Variants in PIGL observed in about 807,000 individuals in gnomAD.
PIGL encodes phosphatidylinositol glycan anchor biosynthesis class L, also known as N-acetylglucosaminyl-phosphatidylinositol de-N-acetylase.
A neutral mutation model predicts 31.1 loss-of-function variants in PIGL; 22 were observed. The ratio of observed to expected loss-of-function variants is 0.71; its 90% CI spans 0.51 to 1.01. The LOEUF (loss-of-function observed/expected upper bound fraction) is 1.01. Among genes scored for constraint, PIGL ranks in the 50% least tolerant of loss-of-function variants. The probability of loss-of-function intolerance (pLI) is 0.00; values close to 1 mark genes in which losing one functional copy is unlikely to be tolerated. For missense variants in PIGL, 302 were observed against 315.9 expected, an observed-to-expected ratio of 0.96 and a Z score of 0.33; for synonymous variants, 131 against 117.4, an observed-to-expected ratio of 1.12 and a Z score of -0.75.
chr17:16,314,519 T>A lies in PIGL; in HGVS notation c.494+905T>A, dbSNP rs551052243. 1.2e-4 allele frequency among the ~76,000 whole-genome samples: 18 copies of A among 152,286 alleles called. 1 individual carries two copies. The South Asian group carries it at 3.3e-3, about 28-fold the overall frequency. ...TCTGTCAGATGTATGTGAAGACCAA[T>A]CCAAACTGAAGACCCTCCTTGTCCT... On this transcript the variant is annotated intron_variant, in intron 4 of 6. Coordinates refer to ENST00000225609, the MANE Select transcript of PIGL (RefSeq NM_004278.4).
chr17:16,280,926 A>C (rs1357847368), intron 2 of PIGL, among the ~76,000 whole-genome samples: 5 of 151,978 alleles, frequency 3.3e-5, no homozygotes, highest in African/African-American at 1.2e-4. Flanking sequence ...GCTGGTCTTG[A>C]ACTCCTGACC....
chr17:16,323,235 CT>C (rs879720025), intron 6 of PIGL, among the ~76,000 whole-genome samples: 118 of 144,328 alleles, frequency 8.2e-4, no homozygotes, highest in Middle Eastern at 3.6e-3. Flanking sequence ...TATATGTGGT[CT>C]TTTTTTTTTT....
intron 1 of PIGL, among the ~76,000 whole-genome samples, chr17:16,227,426 A>G (rs1301618789): frequency 2.0e-5 from 3 of 151,968 alleles, no homozygotes; most frequent in Admixed American, 1.3e-4. Context: ...TAGCAATTTC[A>G]TTAGTAAGAG....
chr17:16,260,211 G>A (rs1464907884), intron 2 of PIGL, among the ~76,000 whole-genome samples: 1 of 152,228 alleles, frequency 6.6e-6, no homozygotes, highest in Non-Finnish European at 1.5e-5. Flanking sequence ...CAGATTGATG[G>A]CAGCAGGAGG....
intron 2 of PIGL, among the ~76,000 whole-genome samples, chr17:16,278,155 A>G (rs150858420): frequency 0.048 from 7,341 of 152,006 alleles, 218 homozygotes; most frequent in African/African-American, 0.089. Context: ...TCCCAGGTTC[A>G]AGCAATTCTT....
At chr17:16,248,504 C>T (rs2092757990) in intron 2 of PIGL, among the ~76,000 whole-genome samples, 1 of 152,114 alleles carries the variant, frequency 6.6e-6, no homozygotes, top group African/African-American at 2.4e-5. Context: ...CTCTGAGACC[C>T]CATCAGAATG....
At chr17:16,245,529 A>G (rs551566236) in intron 2 of PIGL, among the ~76,000 whole-genome samples, 17 of 148,072 alleles carry the variant, frequency 1.1e-4, no homozygotes, top group Admixed American at 1.0e-3. Context: ...TATATTTGAG[A>G]CGGAGTCTTG....
chr17:16,299,824 G>A (rs1484265001), intron 2 of PIGL, 64 bp from the exon 3 acceptor site: 2 of 1,182,946 alleles, frequency 1.7e-6, no homozygotes, highest in Non-Finnish European at 2.5e-6. Context: ...TGCACCTACT[G>A]GAGCTTAGGG....
At chr17:16,262,801 G>A (rs1019129647) in intron 2 of PIGL, among the ~76,000 whole-genome samples, 1 of 152,130 alleles carries the variant, frequency 6.6e-6, no homozygotes, top group Non-Finnish European at 1.5e-5. Flanking sequence ...TAGCCAACAG[G>A]TAGAAACAAC....
chr17:16,291,729 A>G (rs941371620), intron 2 of PIGL, among the ~76,000 whole-genome samples: 1 of 150,376 alleles, frequency 6.6e-6, no homozygotes. Flanking sequence ...GCCAGGCATG[A>G]TGGCGGGTGC....
At chr17:16,224,583 C>A (rs1301397774) in intron 1 of PIGL, among the ~76,000 whole-genome samples, 1 of 152,084 alleles carries the variant, frequency 6.6e-6, no homozygotes, top group Non-Finnish European at 1.5e-5. Flanking sequence ...GCTGGGATTA[C>A]AGGATGAGCC....
At chr17:16,217,630 C>CACCATCA in intron 1 of PIGL, 169 bp downstream of exon 1, 1 of 540,666 alleles carries the variant, frequency 1.8e-6, no homozygotes, top group Non-Finnish European at 3.2e-6. Flanking sequence ...GGCCGGCTTA[C>CACCATCA]CTGGTGGGTT....
Position 16,217,442 on chromosome 17 carries a change from C to T in PIGL, c.216C>T (p.Tyr72=), listed in dbSNP as rs968253600. ...LGLARLRHWV[Y]LLCFSAGNYY... ...TGGCCCGCCTAAGGCACTGGGTGTACCTGCTTTGCTTCTCTGCAGGTAGGA... is the reference window on the plus strand; with the variant it reads ...TGGCCCGCCTAAGGCACTGGGTGTATCTGCTTTGCTTCTCTGCAGGTAGGA... Residue 72 remains tyrosine, a synonymous_variant, in exon 1 of 7, where the codon TAC becomes TAT. Coordinates refer to ENST00000225609, the MANE Select transcript of PIGL (RefSeq NM_004278.4). 6.2e-7 allele frequency: 1 copy of T among 1,614,060 alleles called. No individual in the cohort carries two copies. The highest frequency in any genetic ancestry group is 8.5e-7 in the Non-Finnish European group (1 of 1,179,920).
chr17:16,261,824 G>A lies in PIGL; in HGVS notation c.335+27754G>A, dbSNP rs1001503799. ...TCACCATGTTGCCCAGGCTGGTCTC[G>A]ACCTCTGAGGCTCAAGTGATCTGCC... On this transcript the variant is annotated intron_variant, in intron 2 of 6. Coordinates refer to ENST00000225609, the MANE Select transcript of PIGL (RefSeq NM_004278.4). Among the ~76,000 whole-genome samples the A allele has an allele frequency of 4.6e-5, 7 of 151,922 alleles. No homozygotes were observed. In the East Asian group the frequency reaches 7.8e-4, roughly 17 times the overall value.
rs567887005 is a variant in PIGL, at chr17:16,260,536, G to A, written c.335+26466G>A. ...AGAGATGATGGGATGATTTGCCTGC[G>A]AATAGGAGCTACCCACTCCAGGTCT... On this transcript the variant is annotated intron_variant, in intron 2 of 6. Coordinates refer to ENST00000225609, the MANE Select transcript of PIGL (RefSeq NM_004278.4). Among the ~76,000 whole-genome samples, 14 of 152,214 alleles carry A rather than the reference G, an allele frequency of 9.2e-5. No individual in the cohort carries two copies. In the South Asian group the frequency reaches 1.5e-3, roughly 16 times the overall value.
chr17:16,217,646 A>T, intron 1 of PIGL, 185 bp downstream of exon 1: 17 of 511,606 alleles, frequency 3.3e-5, no homozygotes, highest in South Asian at 1.6e-4. Flanking sequence ...GGGTTGGGGG[A>T]CGTCGGCAGC....
At chr17:16,247,504 C>T (rs936903580) in intron 2 of PIGL, among the ~76,000 whole-genome samples, 5 of 152,160 alleles carry the variant, frequency 3.3e-5, no homozygotes, top group Non-Finnish European at 7.3e-5. Flanking sequence ...AAATGGGTGA[C>T]AGGCCCCAGG....
chr17:16,306,520 A>G (rs991510440), intron 3 of PIGL, among the ~76,000 whole-genome samples: 2 of 124,594 alleles, frequency 1.6e-5, no homozygotes, highest in Admixed American at 8.8e-5. Flanking sequence ...GAGTTATACG[A>G]TCTTTTTTTT....
intron 2 of PIGL, among the ~76,000 whole-genome samples, chr17:16,239,221 C>T (rs935569935): frequency 6.6e-6 from 1 of 151,408 alleles, no homozygotes; most frequent in Admixed American, 6.6e-5. Flanking sequence ...GGGTGGCTCA[C>T]GCCTGTAATC....
Sources: allele counts gnomAD v4.1 joint callset (sites outside exome capture counted in the v4.1 genomes callset), GRCh38; gene constraint gnomAD v4.1.1; transcripts MANE v1.5; gene names NCBI Gene and HGNC (gene_info 2026-07-23, HGNC 2026-07-21).